ENTREP2: variants seen among roughly 807,000 people sequenced by gnomAD.
ENTREP2 encodes endosomal transmembrane epsin interactor 2.
the ENTREP2 span, among the ~76,000 whole-genome samples, chr15:29,493,596 G>GA: frequency 0.51 from 76,964 of 151,774 alleles, 20,619 homozygotes; most frequent in African/African-American, 0.7. Flanking sequence ...CAGCCAGTGT[G>GA]CAGAGTAAGA....
At chr15:29,652,905 G>A in the ENTREP2 span, among the ~76,000 whole-genome samples, 2 of 152,206 alleles carry the variant, frequency 1.3e-5, no homozygotes, top group African/African-American at 4.8e-5. Flanking sequence ...GGAATAAGCT[G>A]AATAGACTGG....
chr15:29,264,867 A>G, the ENTREP2 span: 23 of 152,344 alleles, frequency 1.5e-4, no homozygotes, highest in African/African-American at 5.5e-4. Context: ...GCAAAATTAT[A>G]CATTTTGAGC....
the ENTREP2 span, among the ~76,000 whole-genome samples, chr15:29,177,873 A>G: frequency 7.7e-6 from 1 of 129,296 alleles, no homozygotes; most frequent in African/African-American, 2.9e-5. Flanking sequence ...AAGGGAGCTT[A>G]GTGGAAGAGG....
At chr15:29,456,005 T>C in the ENTREP2 span, among the ~76,000 whole-genome samples, 2 of 152,204 alleles carry the variant, frequency 1.3e-5, no homozygotes, top group Non-Finnish European at 2.9e-5. Context: ...TATGGTGAGT[T>C]GCATAATTAT....
chr15:29,570,178 TG>T, the ENTREP2 span, among the ~76,000 whole-genome samples: 533 of 151,170 alleles, frequency 3.5e-3, 4 homozygotes, highest in African/African-American at 0.013. Context: ...GGCGAGGTCG[TG>T]TCCCCGGCGC....
the ENTREP2 span, among the ~76,000 whole-genome samples, chr15:29,547,066 C>G: frequency 6.7e-6 from 1 of 150,206 alleles, no homozygotes; most frequent in Non-Finnish European, 1.5e-5. Flanking sequence ...ACAGAACAAC[C>G]ACTGAAAACT....
chr15:29,407,605 G>A, the ENTREP2 span, among the ~76,000 whole-genome samples: 2 of 152,166 alleles, frequency 1.3e-5, no homozygotes, highest in East Asian at 1.9e-4. Flanking sequence ...AGCCAGGTAA[G>A]GAGGGAGCAG....
the ENTREP2 span, among the ~76,000 whole-genome samples, chr15:29,248,755 T>G: frequency 6.6e-5 from 10 of 152,184 alleles, no homozygotes; most frequent in Admixed American, 2.6e-4. Flanking sequence ...CTTTCAGTGC[T>G]GGCAAAGGTG....
chr15:29,371,349 A>AACAC, the ENTREP2 span, among the ~76,000 whole-genome samples: 14,194 of 133,868 alleles, frequency 0.11, 815 homozygotes, highest in African/African-American at 0.12. Context: ...CACCCCCGCA[A>AACAC]ACACACACAC....
At chr15:29,648,347 G>A in the ENTREP2 span, among the ~76,000 whole-genome samples, 2 of 152,182 alleles carry the variant, frequency 1.3e-5, no homozygotes, top group East Asian at 3.9e-4. Context: ...GGGTTGCCCA[G>A]GCTGTTCAGT....
chr15:29,602,699 G>A, the ENTREP2 span, among the ~76,000 whole-genome samples: 29 of 152,072 alleles, frequency 1.9e-4, 1 homozygote, highest in South Asian at 4.4e-3. Context: ...CAACATGCCC[G>A]GCTAATTTTT....
At chr15:29,425,492 G>GTGTT in the ENTREP2 span, among the ~76,000 whole-genome samples, 32 of 152,134 alleles carry the variant, frequency 2.1e-4, no homozygotes, top group Non-Finnish European at 3.5e-4. Context: ...TAAGCTATTT[G>GTGTT]TGTTTGTTTG....
the ENTREP2 span, chr15:29,381,924 C>A: frequency 8.5e-7 from 1 of 1,172,416 alleles, no homozygotes. Flanking sequence ...CGGAGAAGGA[C>A]GTGTGGAACA....
At chr15:29,469,148 GC>G in the ENTREP2 span, among the ~76,000 whole-genome samples, 2 of 152,126 alleles carry the variant, frequency 1.3e-5, no homozygotes, top group Non-Finnish European at 2.9e-5. Context: ...AGGGAAATAC[GC>G]CAGTCACAGA....
the ENTREP2 span, among the ~76,000 whole-genome samples, chr15:29,478,009 A>ATTTTTTTTTTT: frequency 1.4e-5 from 1 of 70,910 alleles, no homozygotes; most frequent in African/African-American, 8.4e-5. Flanking sequence ...ATATATATAT[A>ATTTTTTTTTTT]TATATATATA....
chr15:29,479,268 T>C, the ENTREP2 span, among the ~76,000 whole-genome samples: 1 of 150,718 alleles, frequency 6.6e-6, no homozygotes, highest in Non-Finnish European at 1.5e-5. Flanking sequence ...GCTCTCCCCA[T>C]GGTATGCGGT....
At chr15:29,312,102 C>A in the ENTREP2 span, among the ~76,000 whole-genome samples, 1 of 152,142 alleles carries the variant, frequency 6.6e-6, no homozygotes, top group East Asian at 1.9e-4. Flanking sequence ...ACCTCAAAAG[C>A]CAGCATCTTA....
chr15:29,598,938 C>T, the ENTREP2 span, among the ~76,000 whole-genome samples: 14 of 152,270 alleles, frequency 9.2e-5, no homozygotes, highest in East Asian at 1.2e-3. Flanking sequence ...CCTCGTGATC[C>T]GCCCGCCTCG....
chr15:29,378,163 C>A, the ENTREP2 span, among the ~76,000 whole-genome samples: 2 of 150,670 alleles, frequency 1.3e-5, no homozygotes, highest in South Asian at 2.1e-4. Context: ...GCCTTGGCCT[C>A]GCTTTAAAAA....
Sources: gnomAD v4.1 joint callset for allele counts (sites outside exome capture counted in the v4.1 genomes callset) on GRCh38, gnomAD v4.1.1 for gene constraint, MANE v1.5 for transcripts, NCBI Gene and HGNC (gene_info 2026-07-23, HGNC 2026-07-21) for gene names.